Variants in DIXDC1 observed in about 807,000 individuals in gnomAD.
DIXDC1 encodes the protein DIX domain containing 1, also known as dixin.
Under a neutral mutation model 103.1 loss-of-function variants are expected in DIXDC1, and 64 were observed. That is an observed-to-expected ratio of 0.62 (90% CI 0.51 to 0.76). The LOEUF is 0.76. Among genes scored for constraint, DIXDC1 ranks in the 30% least tolerant of loss-of-function variants. DIXDC1 has a pLI of 0.00. For synonymous variants in DIXDC1, 266 were observed against 298.5 expected, an observed-to-expected ratio of 0.89 and a Z score of 1.12; for missense variants, 759 against 834.2, an observed-to-expected ratio of 0.91 and a Z score of 1.11.
At chr11:111,934,843 C>G (rs1244624981), upstream of DIXDC1, among the ~76,000 whole-genome samples, 1 of 152,084 alleles carries the variant, frequency 6.6e-6, no homozygotes, top group Non-Finnish European at 1.5e-5. Flanking sequence ...TTTTGGAACA[C>G]ATCTTAATAG....
intron 8 of DIXDC1, among the ~76,000 whole-genome samples, chr11:111,986,579 G>GTCT (rs1360480526): frequency 2.0e-5 from 3 of 151,928 alleles, no homozygotes; most frequent in Non-Finnish European, 2.9e-5. Context: ...GGCCAGGCTG[G>GTCT]TCTCTAACAC....
intron 7 of DIXDC1, among the ~76,000 whole-genome samples, chr11:111,984,271 C>A (rs1452650326): frequency 2.6e-5 from 4 of 152,132 alleles, no homozygotes; most frequent in African/African-American, 9.7e-5. Context: ...ATAGGCAACG[C>A]ATGGTGGGCC....
intron 1 of DIXDC1, among the ~76,000 whole-genome samples, chr11:111,941,066 G>A (rs587708641): frequency 1.8e-4 from 27 of 152,304 alleles, no homozygotes; most frequent in African/African-American, 4.8e-4. Context: ...AGTGTGCTGT[G>A]ACCGCACGTG....
chr11:111,971,905 G>A (rs1859948932), intron 3 of DIXDC1, among the ~76,000 whole-genome samples: 1 of 152,030 alleles, frequency 6.6e-6, no homozygotes, highest in African/African-American at 2.4e-5. Flanking sequence ...CTTATAATTG[G>A]GAACTAAACA....
chr11:111,928,053 T>G (rs1965888002), intron 1 of DIXDC1, among the ~76,000 whole-genome samples: 1 of 144,370 alleles, frequency 6.9e-6, no homozygotes, highest in Non-Finnish European at 1.5e-5. Context: ...ATTAGCCCCA[T>G]AAAGTGTGAG....
At chr11:111,963,271 A>G (rs1265278620) in intron 1 of DIXDC1, among the ~76,000 whole-genome samples, 1 of 152,212 alleles carries the variant, frequency 6.6e-6, no homozygotes, top group Non-Finnish European at 1.5e-5. Context: ...GTCAAACACC[A>G]AAAATTGGTT....
intron 4 of DIXDC1, chr11:111,974,517 T>C (rs1393218168): frequency 3.6e-5 from 19 of 524,844 alleles, no homozygotes; most frequent in Non-Finnish European, 1.3e-5. Context: ...AATATACACT[T>C]TTGGCACAGT....
chr11:112,000,200 T>G (rs1861023494), intron 17 of DIXDC1, among the ~76,000 whole-genome samples: 1 of 151,892 alleles, frequency 6.6e-6, no homozygotes, highest in African/African-American at 2.4e-5. Flanking sequence ...TCATCAAAAT[T>G]AAAAACTTTT....
At chr11:111,940,818 G>C (rs1442864824) in intron 1 of DIXDC1, among the ~76,000 whole-genome samples, 1 of 152,134 alleles carries the variant, frequency 6.6e-6, no homozygotes, top group South Asian at 2.1e-4. Flanking sequence ...TTCCCTGCTC[G>C]TCTGGTACAT....
chr11:111,994,103 A>T (rs73561916), intron 14 of DIXDC1, among the ~76,000 whole-genome samples: 1 of 152,170 alleles, frequency 6.6e-6, no homozygotes, highest in African/African-American at 2.4e-5. Flanking sequence ...AATATTCACC[A>T]TGGCCTGGCA....
chr11:111,970,820 C>T (rs976084207), intron 3 of DIXDC1, among the ~76,000 whole-genome samples: 1 of 152,070 alleles, frequency 6.6e-6, no homozygotes, highest in Non-Finnish European at 1.5e-5. Context: ...AAATAAAGTT[C>T]CACACCTACA....
At chr11:112,002,071 A>C (rs1218423692) in intron 17 of DIXDC1, among the ~76,000 whole-genome samples, 6 of 151,726 alleles carry the variant, frequency 4.0e-5, no homozygotes, top group African/African-American at 1.5e-4. Flanking sequence ...ATTTTTAATT[A>C]TTTGCTAAAG....
chr11:111,966,428 G>T (rs1859739749), intron 2 of DIXDC1, among the ~76,000 whole-genome samples: 1 of 135,572 alleles, frequency 7.4e-6, no homozygotes, highest in Non-Finnish European at 1.5e-5. Context: ...TTTTGAGACG[G>T]AGTCTCGCTC....
At chr11:111,945,844 C>T (rs1566466137) in intron 1 of DIXDC1, 1 of 152,246 alleles carries the variant, frequency 6.6e-6, no homozygotes, top group Non-Finnish European at 1.5e-5. Context: ...TCTCAGCTCC[C>T]TGCAACCTCT....
chr11:111,937,167 C>T, upstream of DIXDC1: 2 of 978,782 alleles, frequency 2.0e-6, no homozygotes, highest in Admixed American at 6.7e-5. Flanking sequence ...GGGCGTGCAG[C>T]GCGCGCCCTC....
chr11:111,937,318 GC>G, upstream of DIXDC1: 1 of 1,340,370 alleles, frequency 7.5e-7, no homozygotes, highest in East Asian at 3.0e-5. Flanking sequence ...AGGCCCCCGT[GC>G]GAGCATGCCC....
intron 17 of DIXDC1, among the ~76,000 whole-genome samples, chr11:112,010,114 G>C (rs1861368940): frequency 2.0e-5 from 3 of 152,106 alleles, no homozygotes; most frequent in Admixed American, 2.0e-4. Context: ...CAAAGTCTCA[G>C]GATACAAAGT....
intron 10 of DIXDC1, among the ~76,000 whole-genome samples, chr11:111,989,271 T>C (rs977706887): frequency 2.0e-5 from 3 of 152,162 alleles, no homozygotes; most frequent in Non-Finnish European, 4.4e-5. Flanking sequence ...GTTGCTACCA[T>C]TTCCATCTGT....
intron 2 of DIXDC1, among the ~76,000 whole-genome samples, chr11:111,932,027 CTTT>C (rs59805759): frequency 6.1e-5 from 6 of 99,136 alleles, no homozygotes; most frequent in African/African-American, 4.4e-5. Context: ...GGCAGATAAC[CTTT>C]TTTTTTTTTT....
Sources: gnomAD v4.1 joint callset for allele counts (sites outside exome capture counted in the v4.1 genomes callset) on GRCh38, gnomAD v4.1.1 for gene constraint, MANE v1.5 for transcripts, NCBI Gene and HGNC (gene_info 2026-07-23, HGNC 2026-07-21) for gene names.